TLL2: variants seen among roughly 807,000 people sequenced by gnomAD.
The protein encoded by TLL2 is tolloid-like protein 2.
A neutral mutation model predicts 123.0 loss-of-function variants in TLL2; 106 were observed. The observed-to-expected ratio is 0.86, with a 90% CI of 0.74 to 1.01. The LOEUF is 1.01. Ranked by LOEUF, TLL2 falls within the 50% of genes least tolerant of loss-of-function variation. TLL2 has a pLI of 0.00. For synonymous variants in TLL2, 494 were observed against 516.8 expected (o/e 0.96, Z 0.60); for missense variants, 1,332 against 1,336.7 (o/e 1.00, Z 0.06).
intron 13 of TLL2, among the ~76,000 whole-genome samples, chr10:96,394,448 C>T (rs543723515): frequency 6.6e-6 from 1 of 152,332 alleles, no homozygotes; most frequent in Non-Finnish European, 1.5e-5. Context: ...CTTCTGGGGC[C>T]AGGAAAGCTC....
intron 7 of TLL2, among the ~76,000 whole-genome samples, chr10:96,416,174 C>T (rs74151306): frequency 0.012 from 1,810 of 152,276 alleles, 34 homozygotes; most frequent in African/African-American, 0.041. Flanking sequence ...TCTGCCCTAA[C>T]GAAAGGTGTG....
intron 3 of TLL2, among the ~76,000 whole-genome samples, chr10:96,434,511 A>T (rs1846774400): frequency 6.6e-6 from 1 of 152,202 alleles, no homozygotes; most frequent in South Asian, 2.1e-4. Context: ...ATGTTGTAGT[A>T]TGAATCAGTT....
Position 96,476,248 on chromosome 10 carries a change from T to TTGTTGTTG in TLL2, c.286+4100_286+4101insCAACAACA, listed in dbSNP as rs1554939657. 1.9e-4 allele frequency among the ~76,000 whole-genome samples: 13 copies of TTGTTGTTG among 69,230 alleles called. 2 individuals are homozygous for TTGTTGTTG. The highest frequency in any genetic ancestry group is 6.9e-4 in the African/African-American group (11 of 16,036). 45.4% of individuals were successfully genotyped at this position (69,230 alleles called of 152,430 possible). ...TATATATATATATATATATTTTATT[T>TTGTTGTTG]TTGTTGTTGTTGTTGTTGTTGAGAC... On this transcript the variant is annotated intron_variant, in intron 2 of 20. Coordinates refer to ENST00000357947, the MANE Select transcript of TLL2 (RefSeq NM_012465.4).
chr10:96,509,419 A>C (rs1260595112), intron 1 of TLL2, among the ~76,000 whole-genome samples: 1 of 152,234 alleles, frequency 6.6e-6, no homozygotes, highest in African/African-American at 2.4e-5. Context: ...GCAGCCTCCT[A>C]TTCTCTGGGC....
At chr10:96,447,078 A>C (rs1270266678) in intron 2 of TLL2, among the ~76,000 whole-genome samples, 2 of 152,204 alleles carry the variant, frequency 1.3e-5, no homozygotes. Flanking sequence ...GAGGGGCCTC[A>C]GGTAGGTGGG....
intron 3 of TLL2, among the ~76,000 whole-genome samples, chr10:96,435,576 C>G (rs184738705): frequency 5.1e-4 from 77 of 152,264 alleles, no homozygotes; most frequent in African/African-American, 1.8e-3. Context: ...TTTATTCTGA[C>G]AGTTTTATAG....
Position 96,413,225 on chromosome 10 carries a change from T to A in TLL2, c.1015A>T (p.Ile339Leu). ...GQRVRLSQGD[I>L]AQARKLYKCP... ...TTGTACAGCTTCCGGGCTTGAGCTA[T>A]GTCTCCCTGACTGAGCCGCACGCGC... Residue 339 changes from isoleucine (I) to leucine (L), a missense_variant, in exon 8 of 21, where the codon ATA (isoleucine) becomes TTA (leucine). By Grantham distance (5) the Ile-to-Leu change is conservative. Transcript: ENST00000357947. 6.2e-7 allele frequency: 1 copy of A among 1,614,196 alleles called. No individual in the cohort carries two copies. The highest frequency in any genetic ancestry group is 8.5e-7 in the Non-Finnish European group (1 of 1,180,008).
chr10:96,440,984 T>C (rs1218790920), intron 3 of TLL2, among the ~76,000 whole-genome samples: 1 of 152,080 alleles, frequency 6.6e-6, no homozygotes, highest in African/African-American at 2.4e-5. Context: ...AGTCCTGCAT[T>C]TGAAGAGGAG....
At chr10:96,374,973 G>C (rs1421086432) in intron 18 of TLL2, among the ~76,000 whole-genome samples, 1 of 141,708 alleles carries the variant, frequency 7.1e-6, no homozygotes, top group East Asian at 2.1e-4. Context: ...GGGGGGGGGG[G>C]GGGGTGTCAA....
At chr10:96,392,601 A>G (rs906671737) in intron 13 of TLL2, among the ~76,000 whole-genome samples, 1 of 152,186 alleles carries the variant, frequency 6.6e-6, no homozygotes, top group Non-Finnish European at 1.5e-5. Context: ...GAGCCCCAGC[A>G]CCCAGCTTAC....
At chr10:96,409,889 G>A (rs1242008476) in intron 9 of TLL2, among the ~76,000 whole-genome samples, 1 of 152,198 alleles carries the variant, frequency 6.6e-6, no homozygotes, top group Non-Finnish European at 1.5e-5. Context: ...TGGAGGGGCA[G>A]CCAAGGAGTG....
chr10:96,395,714 T>C (rs536881194), intron 12 of TLL2, among the ~76,000 whole-genome samples, 161 bp downstream of exon 12: 82 of 152,328 alleles, frequency 5.4e-4, no homozygotes, highest in Non-Finnish European at 9.1e-4. Flanking sequence ...AAAGCCTGCA[T>C]AGATGTTGAT....
chr10:96,420,005 A>G (rs17111841), intron 7 of TLL2, among the ~76,000 whole-genome samples: 49,725 of 152,120 alleles, frequency 0.33, 8,278 homozygotes, highest in Non-Finnish European at 0.36. Flanking sequence ...CTGGGCCTCA[A>G]CTTAGCTTTC....
intron 1 of TLL2, among the ~76,000 whole-genome samples, chr10:96,482,552 C>G (rs530521896): frequency 6.6e-6 from 1 of 152,194 alleles, no homozygotes; most frequent in East Asian, 1.9e-4. Context: ...AAACATCATA[C>G]GAAATGAAAT....
chr10:96,429,262 G>C (rs1479407102), intron 4 of TLL2, among the ~76,000 whole-genome samples: 2 of 151,784 alleles, frequency 1.3e-5, no homozygotes, highest in East Asian at 3.9e-4. Flanking sequence ...GGTGATGGAT[G>C]TGCTAATTAA....
rs58383386 is a variant in TLL2 at position 96,393,739 on chromosome 10, CT to C, written c.1726+1447del. Among the ~76,000 whole-genome samples, 367 of 69,048 alleles carry C rather than the reference CT, an allele frequency of 5.3e-3. 1 individual carries two copies. Among genetic ancestry groups the C allele is most frequent in the Admixed American group, 6.3e-3 (33 of 5,218 alleles). The allele number at this position is 69,048 out of a possible 152,430, so 45.3% of individuals were successfully genotyped here. On this transcript the variant is annotated intron_variant, in intron 13 of 20. Transcript: ENST00000357947. ...GCCTGGCTTTTTTTTTCTTTTTTTT[CT>C]TTTTTTTTTTGGCTTGAGAAAGAAG...
intron 1 of TLL2, among the ~76,000 whole-genome samples, chr10:96,486,533 C>T (rs896249852): frequency 2.1e-4 from 32 of 152,222 alleles, no homozygotes; most frequent in African/African-American, 7.2e-4. Context: ...TGCTCTATAA[C>T]CAACCATTTC....
chr10:96,383,594 A>G (rs1171240252), intron 16 of TLL2, among the ~76,000 whole-genome samples: 1 of 151,600 alleles, frequency 6.6e-6, no homozygotes, highest in Non-Finnish European at 1.5e-5. Flanking sequence ...CTGTAAGTCC[A>G]TTAAACCTCT....
chr10:96,383,784 C>T (rs910529193), intron 16 of TLL2, among the ~76,000 whole-genome samples: 3 of 83,584 alleles, frequency 3.6e-5, no homozygotes, highest in Non-Finnish European at 7.0e-5. Context: ...CCACGCCCGG[C>T]TAATTTTTTT....
Sources: gnomAD v4.1 joint callset for allele counts (sites outside exome capture counted in the v4.1 genomes callset) on GRCh38, gnomAD v4.1.1 for gene constraint, MANE v1.5 for transcripts, NCBI Gene and HGNC (gene_info 2026-07-23, HGNC 2026-07-21) for gene names.